ACTN2: variants seen among roughly 807,000 people sequenced by gnomAD.
ACTN2 encodes actinin alpha 2, also known as alpha-actinin-2.
In ACTN2, 39 loss-of-function variants were observed where a neutral mutation model predicts 113.8. The observed-to-expected ratio is 0.34, with a 90% CI of 0.27 to 0.45. ACTN2 has a LOEUF of 0.45. Among genes scored for constraint, ACTN2 ranks in the 20% least tolerant of loss-of-function variants. The probability of loss-of-function intolerance (pLI) is 1.00; values close to 1 mark genes in which losing one functional copy is unlikely to be tolerated. For missense variants in ACTN2, 992 were observed against 1,177.9 expected, an observed-to-expected ratio of 0.84 and a Z score of 2.31; for synonymous variants, 429 against 444.1, an observed-to-expected ratio of 0.97 and a Z score of 0.43.
intron 12 of ACTN2, among the ~76,000 whole-genome samples, chr1:236,746,013 A>C (rs529328169): frequency 2.0e-5 from 3 of 151,954 alleles, no homozygotes; most frequent in Non-Finnish European, 2.9e-5. Flanking sequence ...AATACAAAAA[A>C]AAATTAGCCA....
chr1:236,715,653 G>T (rs1306418271), intron 1 of ACTN2, among the ~76,000 whole-genome samples: 1 of 152,104 alleles, frequency 6.6e-6, no homozygotes, highest in Non-Finnish European at 1.5e-5. Flanking sequence ...ATTGGGTATA[G>T]ATCTAAAGTA....
chr1:236,739,209 C>A, intron 9 of ACTN2, 93 bp from the exon 10 acceptor site: 1 of 1,280,060 alleles, frequency 7.8e-7, no homozygotes, highest in Non-Finnish European at 1.1e-6. Context: ...AACATTCATC[C>A]TTTACAAATT....
chr1:236,743,532 C>T (rs1659135654), intron 11 of ACTN2, among the ~76,000 whole-genome samples: 1 of 151,256 alleles, frequency 6.6e-6, no homozygotes, highest in South Asian at 2.1e-4. Context: ...TCAGGCCTTA[C>T]ACACATGCCG....
intron 1 of ACTN2, among the ~76,000 whole-genome samples, chr1:236,697,975 T>C (rs956216132): frequency 4.8e-5 from 7 of 146,944 alleles, no homozygotes; most frequent in African/African-American, 1.8e-4. Context: ...GGTTTCACCA[T>C]GTTCATCAGG....
chr1:236,747,055 A>G (rs547475762), intron 12 of ACTN2, among the ~76,000 whole-genome samples: 17 of 152,264 alleles, frequency 1.1e-4, no homozygotes, highest in Non-Finnish European at 2.1e-4. Flanking sequence ...GGCCCACAGG[A>G]CTGTCCTCCA....
At chr1:236,740,980 G>C (rs1659051136) in intron 10 of ACTN2, among the ~76,000 whole-genome samples, 1 of 152,144 alleles carries the variant, frequency 6.6e-6, no homozygotes, top group Admixed American at 6.5e-5. Context: ...TCTCAGGCTT[G>C]GTGCTGAGCC....
rs769073315 is a variant in ACTN2 at position 236,744,694 on chromosome 1, C to T, written c.1324C>T (p.Arg442Trp). 2.2e-5 allele frequency: 36 copies of T among 1,614,096 alleles called. No homozygotes were observed. Among genetic ancestry groups the T allele is most frequent in the African/African-American group, 5.3e-5 (4 of 74,946 alleles). Reference sequence around the variant, plus strand: ...GCTGACAGAGGTGCGGGCTCTGCTGCGGAAGCACGAGGCGTTCGAGAGCGA... The same window carrying T: ...GCTGACAGAGGTGCGGGCTCTGCTGTGGAAGCACGAGGCGTTCGAGAGCGA... ...ASLTEVRALL[R>W]KHEAFESDLA... The change falls in exon 12 of 21, where the codon CGG becomes TGG. Residue 442 changes from arginine (R) to tryptophan (W), a missense_variant. Around this residue, in one of 3 missense-constraint regions of ACTN2, gnomAD observed 736 missense variants for 815.4 expected, o/e 0.90. Transcript: ENST00000366578.
rs148628141 is a variant in ACTN2 at position 236,718,983 on chromosome 1, G to A, written c.331G>A (p.Gly111Arg). 111 of 1,614,044 alleles carry A rather than the reference G, an allele frequency of 6.9e-5. 1 individual carries two copies. Among genetic ancestry groups the A allele is most frequent in the Middle Eastern group, 1.6e-4 (1 of 6,078 alleles). ...AGCTTTGGATTACATAGCCAGCAAAGGGGTGAAACTGGTGTCCATTGGCGC... is the reference window on the plus strand; with the variant it reads ...AGCTTTGGATTACATAGCCAGCAAAAGGGTGAAACTGGTGTCCATTGGCGC... ...NKALDYIASK[G>R]VKLVSIGAEE... is the part of the protein sequence containing the mutation. Residue 111 changes from glycine (G) to arginine (R), a missense_variant, in exon 3 of 21, where the codon GGG becomes AGG. Transcript: ENST00000366578.
At chr1:236,701,805 G>T (rs1031872348) in intron 1 of ACTN2, among the ~76,000 whole-genome samples, 1 of 152,190 alleles carries the variant, frequency 6.6e-6, no homozygotes, top group African/African-American at 2.4e-5. Flanking sequence ...TCAGGCACTT[G>T]AAAATCTAGC....
At chr1:236,721,033 T>TG (rs1479596535) in intron 4 of ACTN2, among the ~76,000 whole-genome samples, 6 of 108,786 alleles carry the variant, frequency 5.5e-5, no homozygotes, top group Admixed American at 4.9e-4. Flanking sequence ...TTTTTTTTTT[T>TG]TTTTTTTTTT....
At chr1:236,713,337 T>C (rs819723) in intron 1 of ACTN2, among the ~76,000 whole-genome samples, 120,323 of 151,870 alleles carry the variant, frequency 0.79, 47,709 homozygotes, top group African/African-American at 0.8. Context: ...AAGCAATTCT[T>C]CTGCCTCAGC....
chr1:236,754,067 C>A lies in ACTN2; in HGVS notation c.1960C>A (p.Gln654Lys), dbSNP rs549009790. 6.2e-7 allele frequency: 1 copy of A among 1,614,062 alleles called. No homozygotes were observed. The highest frequency in any genetic ancestry group is 1.7e-5 in the Admixed American group (1 of 60,024). The change falls in exon 16 of 21, where the codon CAG (glutamine) becomes AAG (lysine). Residue 654 changes from glutamine (Q) to lysine (K), a missense_variant. Transcript: ENST00000366578. This position sits in a 1 kb window ranked among gnomAD's most constrained non-coding sequence, Gnocchi z 4.9. ...AGCCAATGCCATTGGGCCCTGGATC[C>A]AGAACAAGATGGAGGTAAGCCAGCG... ...AQANAIGPWI[Q>K]NKMEEIARSS...
At chr1:236,752,926 T>TA (rs111493244) in intron 15 of ACTN2, among the ~76,000 whole-genome samples, 37 of 152,108 alleles carry the variant, frequency 2.4e-4, no homozygotes, top group African/African-American at 5.3e-4. Context: ...GGATTTTTGT[T>TA]AAAGAAAACA....
chr1:236,747,549 G>A, intron 12 of ACTN2, 118 bp from the exon 13 acceptor site: 1 of 869,364 alleles, frequency 1.2e-6, no homozygotes, highest in Non-Finnish European at 1.9e-6. Context: ...ATGTCCATGT[G>A]GATACATTTC....
chr1:236,709,342 G>GTGTA (rs1558227689), intron 1 of ACTN2, among the ~76,000 whole-genome samples: 2 of 123,436 alleles, frequency 1.6e-5, no homozygotes, highest in African/African-American at 7.4e-5. Context: ...ATATATATAC[G>GTGTA]TGTATATATA....
intron 4 of ACTN2, among the ~76,000 whole-genome samples, chr1:236,720,574 T>C (rs186518306): frequency 2.4e-3 from 373 of 152,338 alleles, no homozygotes; most frequent in Non-Finnish European, 3.6e-3. Context: ...GTTTGTTATT[T>C]CCTTAACTTT....
intron 10 of ACTN2, 33 bp from the exon 11 acceptor site, chr1:236,742,863 A>C: frequency 6.2e-7 from 1 of 1,614,144 alleles, no homozygotes; most frequent in Non-Finnish European, 8.5e-7. Flanking sequence ...TGCTTGTTAC[A>C]CATTTGCTTC....
At position 236,747,921 on chromosome 1, in the gene ACTN2, G is replaced by T. The variant is rs79149380; in HGVS notation, c.1515+146G>T. 59,846 of 683,118 alleles carry T rather than the reference G, an allele frequency of 0.088. 3,347 individuals carry two copies. The highest frequency in any genetic ancestry group is 0.21 in the East Asian group (7,739 of 36,184). The allele number at this position is 683,118 out of a possible 1,614,324, so 42.3% of individuals were successfully genotyped here. ...TCTAAAGAAAACATGAAAAGTGGAA[G>T]AAAGAGGGAAATGGGAAGTTGGGAG... On this transcript the variant is annotated intron_variant, in intron 13 of 20. Transcript: ENST00000366578.
At chr1:236,690,270 C>G (rs1401121427) in intron 1 of ACTN2, among the ~76,000 whole-genome samples, 2 of 152,160 alleles carry the variant, frequency 1.3e-5, no homozygotes, top group African/African-American at 4.8e-5. Flanking sequence ...TTCGAGTTGC[C>G]CCTGCCCTTG....
Sources: gnomAD v4.1 joint callset for allele counts (sites outside exome capture counted in the v4.1 genomes callset) on GRCh38, gnomAD v4.1.1 for gene constraint, gnomAD v4.1.1 regional missense constraint, Gnocchi (gnomAD v3.1) non-coding constraint, MANE v1.5 for transcripts, NCBI Gene and HGNC (gene_info 2026-07-23, HGNC 2026-07-21) for gene names.